Variants in PSMA1 observed in about 807,000 individuals in gnomAD.
PSMA1 encodes proteasome 20S subunit alpha 1, also known as proteasome subunit alpha type-1.
PSMA1 carries 3 observed loss-of-function variants against 38.4 expected under a neutral mutation model. The observed-to-expected ratio is 0.08, with a 90% CI of 0.04 to 0.20. The LOEUF (loss-of-function observed/expected upper bound fraction) is 0.20. Among genes scored for constraint, PSMA1 ranks in the 10% least tolerant of loss-of-function variants. The pLI, the probability that PSMA1 is intolerant of heterozygous loss-of-function variation, is 1.00. For synonymous variants in PSMA1, 101 were observed against 107.1 expected, an observed-to-expected ratio of 0.94 and a Z score of 0.35; for missense variants, 227 against 325.3, an observed-to-expected ratio of 0.70 and a Z score of 2.32.
At chr11:14,520,394 C>T (rs1355648016), upstream of PSMA1, 10 of 1,613,404 alleles carry the variant, frequency 6.2e-6, no homozygotes, top group Non-Finnish European at 8.5e-6. Flanking sequence ...GAGAAGTCTG[C>T]GGGAGTTTGA....
upstream of PSMA1, among the ~76,000 whole-genome samples, chr11:14,524,416 T>A (rs1394930883): frequency 6.6e-6 from 1 of 152,200 alleles, no homozygotes; most frequent in East Asian, 1.9e-4. Context: ...CCAACCTAAC[T>A]GATCAATGTA....
At chr11:14,514,027 A>AT in intron 5 of PSMA1, 140 bp from the exon 6 acceptor site, 1 of 1,350,056 alleles carries the variant, frequency 7.4e-7, no homozygotes, top group Non-Finnish European at 9.5e-7. Context: ...ATAGGACACT[A>AT]TTTCTTTGGC....
chr11:14,528,145 G>A (rs1021055379), intron 2 of PSMA1, among the ~76,000 whole-genome samples: 1 of 150,958 alleles, frequency 6.6e-6, no homozygotes, highest in East Asian at 1.9e-4. Context: ...TTTAAATGAA[G>A]AGTGCTATTT....
chr11:14,574,318 C>T (rs1389559409), intron 2 of PSMA1, among the ~76,000 whole-genome samples: 3 of 152,178 alleles, frequency 2.0e-5, no homozygotes, highest in Non-Finnish European at 2.9e-5. Context: ...CACACTGCTC[C>T]CTACATCCCA....
chr11:14,584,507 G>GTTTTTTTTTTTTTTTTTTTT (rs58620375), intron 2 of PSMA1, among the ~76,000 whole-genome samples: 5 of 124,808 alleles, frequency 4.0e-5, no homozygotes, highest in Non-Finnish European at 3.3e-5. Context: ...TTTGTTTTTT[G>GTTTTTTTTTTTTTTTTTTTT]TTTTTTTTTT....
intron 2 of PSMA1, among the ~76,000 whole-genome samples, chr11:14,595,440 C>T (rs2134190610): frequency 6.6e-6 from 1 of 152,284 alleles, no homozygotes; most frequent in South Asian, 2.1e-4. Flanking sequence ...TTAATGACTG[C>T]CATACTAACT....
intron 1 of PSMA1, among the ~76,000 whole-genome samples, chr11:14,639,406 G>C (rs1409564578): frequency 6.6e-6 from 1 of 152,096 alleles, no homozygotes; most frequent in Non-Finnish European, 1.5e-5. Context: ...AAAATCAAAG[G>C]AAATACAGTT....
At chr11:14,575,627 T>C (rs1852203756) in intron 2 of PSMA1, among the ~76,000 whole-genome samples, 1 of 152,220 alleles carries the variant, frequency 6.6e-6, no homozygotes, top group South Asian at 2.1e-4. Context: ...CCATGGTGTA[T>C]ATGTGCCACA....
At chr11:14,561,000 T>C (rs540664054) in intron 2 of PSMA1, among the ~76,000 whole-genome samples, 207 of 152,322 alleles carry the variant, frequency 1.4e-3, no homozygotes, top group African/African-American at 4.6e-3. Flanking sequence ...CCTTGGATGA[T>C]TGGATTACAG....
chr11:14,602,802 G>A (rs557892760), intron 2 of PSMA1, among the ~76,000 whole-genome samples: 10 of 152,344 alleles, frequency 6.6e-5, no homozygotes, highest in African/African-American at 1.9e-4. Context: ...CAAAGATGGT[G>A]AGTGTTTCTC....
At chr11:14,578,083 G>A (rs981541668) in intron 2 of PSMA1, among the ~76,000 whole-genome samples, 1 of 151,992 alleles carries the variant, frequency 6.6e-6, no homozygotes, top group Non-Finnish European at 1.5e-5. Flanking sequence ...GGGGGGTTGG[G>A]GGCTAGGGGA....
intron 8 of PSMA1, among the ~76,000 whole-genome samples, chr11:14,510,141 T>G (rs1330594222): frequency 6.6e-6 from 1 of 152,190 alleles, no homozygotes; most frequent in Non-Finnish European, 1.5e-5. Flanking sequence ...GTAACCACAA[T>G]GGCTTATGGG....
At chr11:14,599,196 G>T (rs1852545955) in intron 2 of PSMA1, among the ~76,000 whole-genome samples, 1 of 152,162 alleles carries the variant, frequency 6.6e-6, no homozygotes, top group African/African-American at 2.4e-5. Context: ...CAACTTTGGT[G>T]AATCTGACAA....
chr11:14,641,994 G>C (rs1297181712), intron 1 of PSMA1, among the ~76,000 whole-genome samples: 2 of 152,146 alleles, frequency 1.3e-5, no homozygotes, highest in Non-Finnish European at 2.9e-5. Flanking sequence ...TGAATGGCTA[G>C]GCCCAGACAA....
chr11:14,571,840 C>G (rs375417818), intron 2 of PSMA1, among the ~76,000 whole-genome samples: 13 of 148,836 alleles, frequency 8.7e-5, no homozygotes, highest in African/African-American at 3.0e-4. Flanking sequence ...AAATGGAAAA[C>G]AAAAAAAAAG....
intron 2 of PSMA1, among the ~76,000 whole-genome samples, chr11:14,545,799 T>C (rs1227601709): frequency 6.6e-6 from 1 of 152,216 alleles, no homozygotes; most frequent in East Asian, 1.9e-4. Context: ...CTGGTGAAAG[T>C]CATAAGGACT....
chr11:14,548,385 G>A (rs1394164227), intron 2 of PSMA1, among the ~76,000 whole-genome samples: 1 of 152,154 alleles, frequency 6.6e-6, no homozygotes, highest in Non-Finnish European at 1.5e-5. Context: ...CTTGGTATAT[G>A]TATGTGGTGT....
chr11:14,590,460 A>G (rs1852399224), intron 2 of PSMA1, among the ~76,000 whole-genome samples: 1 of 152,246 alleles, frequency 6.6e-6, no homozygotes, highest in African/African-American at 2.4e-5. Flanking sequence ...CCAAAAAAAC[A>G]GAGTGTTTCT....
upstream of PSMA1, among the ~76,000 whole-genome samples, chr11:14,521,298 C>T (rs1157971634): frequency 7.4e-6 from 1 of 135,964 alleles, no homozygotes; most frequent in Non-Finnish European, 1.5e-5. Context: ...CTCGTCGCTA[C>T]AATAATAATA....
Sources: allele counts gnomAD v4.1 joint callset (sites outside exome capture counted in the v4.1 genomes callset), GRCh38; gene constraint gnomAD v4.1.1; transcripts MANE v1.5; gene names NCBI Gene and HGNC (gene_info 2026-07-23, HGNC 2026-07-21).